The following NCAM2 variants were observed in gnomAD, a reference collection of about 807,000 sequenced individuals.
NCAM2 encodes neural cell adhesion molecule 2, also known as N-CAM-2.
Under a neutral mutation model 98.1 loss-of-function variants are expected in NCAM2, and 30 were observed. The observed-to-expected ratio is 0.31, with a 90% CI of 0.23 to 0.41. The LOEUF (loss-of-function observed/expected upper bound fraction) is 0.41, where lower values mean the gene tolerates loss of function less well. NCAM2 is among the 10% of genes least tolerant of loss of function. The pLI is 1.00. For synonymous variants in NCAM2, 368 were observed against 342.4 expected, an observed-to-expected ratio of 1.07 and a Z score of -0.83; for missense variants, 867 against 1,005.8, an observed-to-expected ratio of 0.86 and a Z score of 1.87.
intron 14 of NCAM2, among the ~76,000 whole-genome samples, chr21:21,469,308 A>G (rs78731072): frequency 0.03 from 4,639 of 152,108 alleles, 97 homozygotes; most frequent in Non-Finnish European, 0.045. Flanking sequence ...TAAAAGCTGC[A>G]CACAGATTTT....
chr21:21,014,194 G>A (rs550518591), intron 1 of NCAM2, among the ~76,000 whole-genome samples: 10 of 152,218 alleles, frequency 6.6e-5, no homozygotes, highest in African/African-American at 2.4e-4. Flanking sequence ...GGGAGGCCGA[G>A]GAAGGCAGAT....
Position 21,072,549 on chromosome 21 carries a change from A to G in NCAM2, c.55+73931A>G, listed in dbSNP as rs181841049. Among the ~76,000 whole-genome samples the G allele has an allele frequency of 2.3e-4, 35 of 152,242 alleles. 1 individual carries two copies. The highest frequency in any genetic ancestry group is 2.0e-3 in the Admixed American group (30 of 15,284). ...ATATCATTAAAAAGTTTTATAGAGG[A>G]CCAGATAAATAAATTAGACTTTTTG... On this transcript the variant is annotated intron_variant, in intron 1 of 17. Transcript: ENST00000400546.
Position 21,335,504 on chromosome 21 carries a change from G to T in NCAM2, c.738-1G>T, listed in dbSNP as rs1180697696. The T allele has an allele frequency of 2.5e-6, 4 of 1,578,722 alleles. No homozygotes were observed. The highest frequency in any genetic ancestry group is 3.8e-5 in the Admixed American group (2 of 52,772). ...GGATGAACCTCTTTTTTCTTCTTTA[G>T]GAATGGCAAGCTCATTGAAGAAAAT... On this transcript the variant is annotated splice_acceptor_variant, in intron 6 of 17. Transcript: ENST00000400546. LOFTEE classifies it high-confidence loss of function.
In NCAM2 at chr21:21,373,884, G is replaced by A. The variant is rs766103017; in HGVS notation, c.1066G>A (p.Val356Ile). ...ACAGAGCCTGGACGGCCGTATCGAA[G>A]TCAAAGGGCAGCATGGAAGCTCATC... ...GDKSLDGRIE[V>I]KGQHGSSSLH... Residue 356 changes from valine (V) to isoleucine (I), a missense_variant, in exon 9 of 18, where the codon GTC becomes ATC. Around this residue, in one of 5 missense-constraint regions of NCAM2, gnomAD observed 447 missense variants for 495.7 expected, o/e 0.90. Coordinates refer to ENST00000400546, the MANE Select transcript of NCAM2 (RefSeq NM_004540.5). 20 of 1,608,738 alleles carry A rather than the reference G, an allele frequency of 1.2e-5. No individual in the cohort carries two copies. Among genetic ancestry groups the A allele is most frequent in the Non-Finnish European group, 1.7e-5 (20 of 1,177,232 alleles).
chr21:21,041,718 A>G (rs1181139789), intron 1 of NCAM2, among the ~76,000 whole-genome samples: 1 of 152,166 alleles, frequency 6.6e-6, no homozygotes, highest in Non-Finnish European at 1.5e-5. Context: ...GCTTCAGGGA[A>G]AGACGTCAGA....
At chr21:21,227,916 C>A (rs965098552) in intron 1 of NCAM2, among the ~76,000 whole-genome samples, 12 of 151,570 alleles carry the variant, frequency 7.9e-5, no homozygotes, top group Non-Finnish European at 1.6e-4. Context: ...GTAAGGGAAA[C>A]AAGATAAATA....
Position 21,280,636 on chromosome 21 carries a change from A to G in NCAM2, c.114A>G (p.Lys38=), listed in dbSNP as rs1193520637. The change falls in exon 2 of 18, where the codon AAA becomes AAG. Residue 38 remains lysine, a synonymous_variant. Transcript: ENST00000400546. Reference sequence around the variant, plus strand: ...TAGAGCTTAGTGTTGGAGAATCTAAATTCTTCACATGTACAGGTACGTATT... The same window carrying G: ...TAGAGCTTAGTGTTGGAGAATCTAAGTTCTTCACATGTACAGGTACGTATT... ...SKVELSVGES[K]FFTCTAIGEP... 1 of 1,593,382 alleles carries G rather than the reference A, an allele frequency of 6.3e-7. No homozygotes were observed. The highest frequency in any genetic ancestry group is 8.6e-7 in the Non-Finnish European group (1 of 1,169,586).
chr21:21,141,646 G>A (rs773603719), intron 1 of NCAM2, among the ~76,000 whole-genome samples: 9 of 152,108 alleles, frequency 5.9e-5, no homozygotes, highest in Admixed American at 1.3e-4. Flanking sequence ...GGTCTCATTC[G>A]TGCTCAAATT....
At chr21:21,217,152 C>T (rs557883493) in intron 1 of NCAM2, among the ~76,000 whole-genome samples, 13 of 152,174 alleles carry the variant, frequency 8.5e-5, no homozygotes, top group African/African-American at 3.1e-4. Flanking sequence ...GTATGTGAGA[C>T]AGTCAGACAA....
At chr21:21,289,927 T>A (rs1197652539) in intron 4 of NCAM2, 3 of 151,888 alleles carry the variant, frequency 2.0e-5, no homozygotes, top group Non-Finnish European at 4.4e-5. Flanking sequence ...TAATGAAATA[T>A]TGCTGAGGGA....
chr21:21,435,310 C>T (rs932202203), intron 12 of NCAM2, among the ~76,000 whole-genome samples: 2 of 152,162 alleles, frequency 1.3e-5, no homozygotes, highest in African/African-American at 4.8e-5. Flanking sequence ...AAGCAGAAGT[C>T]CAAATTTCCA....
At chr21:21,165,560 G>T (rs961657605) in intron 1 of NCAM2, among the ~76,000 whole-genome samples, 1 of 152,166 alleles carries the variant, frequency 6.6e-6, no homozygotes, top group Non-Finnish European at 1.5e-5. Flanking sequence ...GGAATAGGTT[G>T]TCTCTGAAAA....
At chr21:21,535,155 G>T (rs1989916121) in intron 17 of NCAM2, among the ~76,000 whole-genome samples, 1 of 151,924 alleles carries the variant, frequency 6.6e-6, no homozygotes. Flanking sequence ...ATGATGCTTG[G>T]TTTCCATTCT....
chr21:21,317,921 G>A (rs2074267379), intron 5 of NCAM2, among the ~76,000 whole-genome samples: 1 of 152,146 alleles, frequency 6.6e-6, no homozygotes. Context: ...TGTATAGGTT[G>A]ACATAAAACA....
chr21:21,437,737 C>A (rs990934276), intron 12 of NCAM2, among the ~76,000 whole-genome samples: 1 of 152,064 alleles, frequency 6.6e-6, no homozygotes, highest in Non-Finnish European at 1.5e-5. Context: ...TCTTTCCACA[C>A]ACTTCATTTT....
intron 1 of NCAM2, among the ~76,000 whole-genome samples, chr21:21,238,492 T>A (rs2070933922): frequency 6.6e-6 from 1 of 152,116 alleles, no homozygotes; most frequent in Admixed American, 6.6e-5. Context: ...AATATATTAT[T>A]ACATATACAA....
At chr21:21,158,492 T>A (rs372213040) in intron 1 of NCAM2, among the ~76,000 whole-genome samples, 8 of 151,900 alleles carry the variant, frequency 5.3e-5, no homozygotes, top group Non-Finnish European at 8.8e-5. Context: ...GTGCCTGTAG[T>A]CCCAGCTACT....
chr21:21,060,187 A>C (rs1200930683), intron 1 of NCAM2, among the ~76,000 whole-genome samples: 3 of 152,094 alleles, frequency 2.0e-5, no homozygotes, highest in South Asian at 4.1e-4. Context: ...TATTATGCAT[A>C]ATGCCAATTG....
chr21:21,304,646 G>A (rs1478144044), intron 5 of NCAM2, among the ~76,000 whole-genome samples: 4 of 151,966 alleles, frequency 2.6e-5, no homozygotes, highest in African/African-American at 7.2e-5. Context: ...ATATACATAT[G>A]CACTAACACA....
Sources: gnomAD v4.1 joint callset for allele counts (sites outside exome capture counted in the v4.1 genomes callset) on GRCh38, gnomAD v4.1.1 for gene constraint, gnomAD v4.1.1 regional missense constraint, MANE v1.5 for transcripts, NCBI Gene and HGNC (gene_info 2026-07-23, HGNC 2026-07-21) for gene names.